FSTL4: variants seen among roughly 807,000 people sequenced by gnomAD.
The protein encoded by FSTL4 is follistatin-related protein 4.
In FSTL4, 28 loss-of-function variants were observed where a neutral mutation model predicts 78.2. That is an observed-to-expected ratio of 0.36 (90% CI 0.27 to 0.49). The LOEUF is 0.49. Ranked by LOEUF, FSTL4 falls within the 20% of genes least tolerant of loss-of-function variation. The probability of loss-of-function intolerance (pLI) is 0.98; values close to 1 mark genes in which losing one functional copy is unlikely to be tolerated. For missense variants in FSTL4, 922 were observed against 1,084.9 expected, an observed-to-expected ratio of 0.85 and a Z score of 2.11; for synonymous variants, 422 against 440.5, an observed-to-expected ratio of 0.96 and a Z score of 0.53.
rs182288243 is a variant in FSTL4, at chr5:133,525,153, T to C, written c.160+42033A>G. The stretch of plus-strand genomic sequence containing the variant: ...GTCTCAAGAGCTACCATTAATTATG[T>C]ATCCCTTTGGTTAGAAATGCAAATG... On this transcript the variant is annotated intron_variant, in intron 3 of 15. Coordinates refer to ENST00000265342, the MANE Select transcript of FSTL4 (RefSeq NM_015082.2). Among the ~76,000 whole-genome samples the C allele has an allele frequency of 1.8e-3, 275 of 152,334 alleles. 1 individual carries two copies. Among genetic ancestry groups the C allele is most frequent in the African/African-American group, 6.4e-3 (267 of 41,566 alleles).
At chr5:133,727,095 T>A in the FSTL4 span, among the ~76,000 whole-genome samples, 1 of 152,070 alleles carries the variant, frequency 6.6e-6, no homozygotes, top group Non-Finnish European at 1.5e-5. Flanking sequence ...ACATCCCACA[T>A]CCAGAGCTAA....
chr5:133,456,843 C>G (rs1365725696), intron 3 of FSTL4, among the ~76,000 whole-genome samples: 2 of 152,192 alleles, frequency 1.3e-5, no homozygotes, highest in Non-Finnish European at 2.9e-5. Context: ...TTGAGAAGAG[C>G]TGGGAGCACA....
At chr5:133,630,660 CA>C in the FSTL4 span, among the ~76,000 whole-genome samples, 1 of 151,982 alleles carries the variant, frequency 6.6e-6, no homozygotes, top group Admixed American at 6.6e-5. Context: ...CATATGGAAC[CA>C]AAAAAGAGCC....
chr5:133,810,772 C>T, the FSTL4 span, among the ~76,000 whole-genome samples: 688 of 152,260 alleles, frequency 4.5e-3, 4 homozygotes, highest in African/African-American at 9.5e-3. Flanking sequence ...GGTCTTTGCC[C>T]GGCCAGCACC....
intron 3 of FSTL4, among the ~76,000 whole-genome samples, chr5:133,483,932 G>C (rs1431688823): frequency 6.6e-6 from 1 of 152,172 alleles, no homozygotes; most frequent in Non-Finnish European, 1.5e-5. Context: ...CAGCCTGCCA[G>C]GCCTCCAAGC....
the FSTL4 span, among the ~76,000 whole-genome samples, chr5:133,685,499 A>C: frequency 6.6e-6 from 1 of 152,250 alleles, no homozygotes; most frequent in Admixed American, 6.5e-5. Flanking sequence ...GAATGTAGTG[A>C]TGAAACAAGA....
intron 3 of FSTL4, among the ~76,000 whole-genome samples, chr5:133,408,132 G>A (rs778153078): frequency 2.6e-5 from 4 of 152,132 alleles, no homozygotes; most frequent in Non-Finnish European, 5.9e-5. Context: ...TTTAATCAGC[G>A]GCAAATTGTG....
At chr5:133,265,542 G>T (rs1752624001) in intron 6 of FSTL4, among the ~76,000 whole-genome samples, 1 of 152,192 alleles carries the variant, frequency 6.6e-6, no homozygotes, top group Non-Finnish European at 1.5e-5. Context: ...GGGTGGGGCA[G>T]GACACAAACC....
intron 3 of FSTL4, among the ~76,000 whole-genome samples, chr5:133,470,005 C>T (rs779112716): frequency 7.2e-5 from 11 of 152,218 alleles, no homozygotes; most frequent in East Asian, 1.9e-4. Flanking sequence ...CAGAGAACCA[C>T]GGTGGTTCCT....
intron 3 of FSTL4, among the ~76,000 whole-genome samples, chr5:133,404,467 T>C (rs887307588): frequency 6.6e-6 from 1 of 152,228 alleles, no homozygotes; most frequent in African/African-American, 2.4e-5. Flanking sequence ...TAAAAACTGA[T>C]CATCTTGCCA....
the FSTL4 span, among the ~76,000 whole-genome samples, chr5:133,733,647 G>A: frequency 6.6e-6 from 1 of 152,206 alleles, no homozygotes; most frequent in Non-Finnish European, 1.5e-5. Context: ...GATAAAAACA[G>A]ATTAAAATAA....
chr5:133,820,218 G>T, the FSTL4 span, among the ~76,000 whole-genome samples: 1 of 152,272 alleles, frequency 6.6e-6, no homozygotes, highest in African/African-American at 2.4e-5. Flanking sequence ...GGGCCGGCTG[G>T]GAGGGTCCAG....
At chr5:133,340,470 G>A (rs1754555834) in intron 4 of FSTL4, among the ~76,000 whole-genome samples, 2 of 152,130 alleles carry the variant, frequency 1.3e-5, no homozygotes, top group South Asian at 4.1e-4. Context: ...TAAGGTGACT[G>A]TAATGGAAAC....
intron 6 of FSTL4, among the ~76,000 whole-genome samples, chr5:133,307,573 G>C (rs1451924432): frequency 6.6e-6 from 1 of 152,104 alleles, no homozygotes; most frequent in Non-Finnish European, 1.5e-5. Flanking sequence ...GGAGTACTAA[G>C]AGCCTATTAC....
chr5:133,339,586 G>C (rs1754541066), intron 4 of FSTL4, among the ~76,000 whole-genome samples: 1 of 152,132 alleles, frequency 6.6e-6, no homozygotes, highest in Non-Finnish European at 1.5e-5. Context: ...CAACAAACAT[G>C]TGCCAGATAA....
chr5:133,542,892 C>T (rs1225943053), intron 3 of FSTL4, among the ~76,000 whole-genome samples: 3 of 151,120 alleles, frequency 2.0e-5, no homozygotes, highest in African/African-American at 7.3e-5. Context: ...CAAAAATCAG[C>T]CTTTGGCTTT....
the FSTL4 span, among the ~76,000 whole-genome samples, chr5:133,743,842 C>T: frequency 1.3e-5 from 2 of 152,332 alleles, no homozygotes; most frequent in East Asian, 1.9e-4. Context: ...ATGGAGCTTA[C>T]GAGCTCCTTC....
At chr5:133,779,409 A>T in the FSTL4 span, among the ~76,000 whole-genome samples, 1 of 152,024 alleles carries the variant, frequency 6.6e-6, no homozygotes, top group Non-Finnish European at 1.5e-5. Context: ...ACACGGTGAA[A>T]CCCCATTTCT....
chr5:133,578,296 C>A (rs1448961100), intron 2 of FSTL4, among the ~76,000 whole-genome samples: 3 of 152,258 alleles, frequency 2.0e-5, no homozygotes, highest in East Asian at 1.9e-4. Context: ...TCCAGTAGAT[C>A]TGAATCACCT....
Sources: gnomAD v4.1 joint callset for allele counts (sites outside exome capture counted in the v4.1 genomes callset) on GRCh38, gnomAD v4.1.1 for gene constraint, MANE v1.5 for transcripts, NCBI Gene and HGNC (gene_info 2026-07-23, HGNC 2026-07-21) for gene names.